The following CLIC4 variants were observed in gnomAD, a reference collection of about 807,000 sequenced individuals.
CLIC4 encodes the protein chloride intracellular channel protein 4.
In CLIC4, 13 loss-of-function variants were observed where a neutral mutation model predicts 24.6. The ratio of observed to expected loss-of-function variants is 0.53; its 90% CI spans 0.34 to 0.84. The LOEUF is 0.84. Ranked by LOEUF, CLIC4 falls within the 40% of genes least tolerant of loss-of-function variation. The pLI is 0.01. For missense variants in CLIC4, 227 were observed against 301.7 expected (o/e 0.75, Z 1.83); for synonymous variants, 104 against 111.3 (o/e 0.93, Z 0.41).
chr1:24,816,261 G>A (rs1215581984), intron 3 of CLIC4, among the ~76,000 whole-genome samples: 8 of 80,602 alleles, frequency 9.9e-5, no homozygotes, highest in Admixed American at 3.6e-4. Context: ...TTTTTTGGAC[G>A]GAGTTTTCGT....
chr1:24,767,020 G>A, intron 1 of CLIC4, among the ~76,000 whole-genome samples: 1 of 63,456 alleles, frequency 1.6e-5, no homozygotes, highest in African/African-American at 7.7e-5. Flanking sequence ...AATAGCTGAT[G>A]AGCTAAAAAA....
intron 1 of CLIC4, among the ~76,000 whole-genome samples, chr1:24,767,042 A>AG (rs1639009183): frequency 6.6e-6 from 1 of 150,564 alleles, no homozygotes; most frequent in Non-Finnish European, 1.5e-5. Context: ...AAAAAAAAAA[A>AG]AAAAAAGAAA....
chr1:24,794,675 TCTG>T (rs1639378580), intron 1 of CLIC4, among the ~76,000 whole-genome samples: 1 of 152,218 alleles, frequency 6.6e-6, no homozygotes, highest in Non-Finnish European at 1.5e-5. Context: ...GATAGTTTCT[TCTG>T]CTGTGCGGAA....
At chr1:24,771,326 A>G (rs1427700405) in intron 1 of CLIC4, among the ~76,000 whole-genome samples, 2 of 152,008 alleles carry the variant, frequency 1.3e-5, no homozygotes, top group Non-Finnish European at 2.9e-5. Context: ...ACTCTTTCCT[A>G]CTGTTTGGGG....
At chr1:24,748,480 G>A (rs1242719429) in intron 1 of CLIC4, among the ~76,000 whole-genome samples, 1 of 133,842 alleles carries the variant, frequency 7.5e-6, no homozygotes, top group Non-Finnish European at 1.6e-5. Flanking sequence ...ACTTTGCACT[G>A]ATACAGATCA....
intron 4 of CLIC4, among the ~76,000 whole-genome samples, chr1:24,835,440 A>G (rs979513701): frequency 3.3e-5 from 5 of 152,130 alleles, no homozygotes; most frequent in Non-Finnish European, 7.4e-5. Context: ...GCTCACGCCT[A>G]TAATCCCAGC....
intron 1 of CLIC4, among the ~76,000 whole-genome samples, chr1:24,756,810 T>G (rs1199027111): frequency 6.6e-6 from 1 of 151,874 alleles, no homozygotes; most frequent in African/African-American, 2.4e-5. Flanking sequence ...AACCTCCGCC[T>G]CCCGGGTTCA....
intron 3 of CLIC4, among the ~76,000 whole-genome samples, chr1:24,824,232 A>G (rs762995523): frequency 6.6e-6 from 1 of 152,236 alleles, no homozygotes; most frequent in African/African-American, 2.4e-5. Context: ...AAACAAAAAC[A>G]CTAGACCTGG....
At chr1:24,815,582 G>A (rs1330917511) in intron 3 of CLIC4, among the ~76,000 whole-genome samples, 3 of 152,206 alleles carry the variant, frequency 2.0e-5, no homozygotes, top group African/African-American at 4.8e-5. Flanking sequence ...GGAGGGTCTT[G>A]CCTTGATGTA....
chr1:24,755,923 G>T (rs950066232), intron 1 of CLIC4, among the ~76,000 whole-genome samples: 14 of 151,358 alleles, frequency 9.2e-5, no homozygotes, highest in African/African-American at 3.4e-4. Flanking sequence ...CTGGTTTCAA[G>T]CGATTCTCCT....
At chr1:24,831,722 T>C (rs1639842656) in intron 4 of CLIC4, among the ~76,000 whole-genome samples, 1 of 152,220 alleles carries the variant, frequency 6.6e-6, no homozygotes, top group Non-Finnish European at 1.5e-5. Flanking sequence ...CACTGCAACC[T>C]CCACCTCCCG....
chr1:24,750,412 GTTTCTTTCTTTC>G (rs545712230), intron 1 of CLIC4, among the ~76,000 whole-genome samples: 3 of 149,688 alleles, frequency 2.0e-5, no homozygotes, highest in Non-Finnish European at 4.4e-5. Context: ...TGTAATCTGG[GTTTCTTTCTTTC>G]TTTCTTTCTT....
intron 1 of CLIC4, among the ~76,000 whole-genome samples, chr1:24,794,351 GTT>G (rs767444585): frequency 7.6e-6 from 1 of 130,854 alleles, no homozygotes; most frequent in Non-Finnish European, 1.7e-5. Flanking sequence ...GCCAGCATCT[GTT>G]TTTTTTTTTT....
intron 3 of CLIC4, among the ~76,000 whole-genome samples, chr1:24,824,494 C>G (rs748950132): frequency 1.3e-5 from 2 of 152,174 alleles, no homozygotes; most frequent in Non-Finnish European, 2.9e-5. Context: ...TCTCGAACTC[C>G]TGACCTCAAT....
At chr1:24,763,761 C>T (rs1053409308) in intron 1 of CLIC4, among the ~76,000 whole-genome samples, 27 of 152,254 alleles carry the variant, frequency 1.8e-4, no homozygotes, top group Middle Eastern at 3.4e-3. Flanking sequence ...ACTCCATAAT[C>T]CTGTAAATCT....
intron 1 of CLIC4, among the ~76,000 whole-genome samples, chr1:24,760,773 G>A (rs1324953684): frequency 6.6e-6 from 1 of 152,076 alleles, no homozygotes; most frequent in African/African-American, 2.4e-5. Context: ...GGAGGCAAAC[G>A]ATAAATGCTG....
At chr1:24,751,027 G>T (rs147652418) in intron 1 of CLIC4, among the ~76,000 whole-genome samples, 1 of 151,952 alleles carries the variant, frequency 6.6e-6, no homozygotes, top group East Asian at 1.9e-4. Flanking sequence ...CTGTTGTTGA[G>T]CATTTTGTTG....
At chr1:24,798,292 A>G (rs1413163071) in intron 2 of CLIC4, among the ~76,000 whole-genome samples, 1 of 152,148 alleles carries the variant, frequency 6.6e-6, no homozygotes, top group African/African-American at 2.4e-5. Flanking sequence ...CATTTAATTT[A>G]TTTTTCAGAG....
chr1:24,748,183 T>G (rs935156512), intron 1 of CLIC4, among the ~76,000 whole-genome samples: 5 of 152,180 alleles, frequency 3.3e-5, no homozygotes, highest in Admixed American at 6.5e-5. Flanking sequence ...AATTTCATCT[T>G]TCAGTTAGAA....
Sources: gnomAD v4.1 joint callset for allele counts (sites outside exome capture counted in the v4.1 genomes callset) on GRCh38, gnomAD v4.1.1 for gene constraint, MANE v1.5 for transcripts, NCBI Gene and HGNC (gene_info 2026-07-23, HGNC 2026-07-21) for gene names.